Variants in TMC2 observed in about 807,000 individuals in gnomAD.
TMC2 encodes transmembrane channel-like protein 2.
TMC2 carries 102 observed loss-of-function variants against 105.9 expected under a neutral mutation model. The observed-to-expected ratio is 0.96, with a 90% CI of 0.82 to 1.14. The LOEUF is 1.14. TMC2 is among the 50% of genes most tolerant of loss of function. The pLI, the probability that TMC2 is intolerant of heterozygous loss-of-function variation, is 0.00. For synonymous variants in TMC2, 402 were observed against 422.8 expected, an observed-to-expected ratio of 0.95 and a Z score of 0.60; for missense variants, 1,093 against 1,134.3, an observed-to-expected ratio of 0.96 and a Z score of 0.52.
At chr20:2,617,367 G>A (rs1447829938) in intron 16 of TMC2, 56 bp downstream of exon 16, 101 of 1,601,686 alleles carry the variant, frequency 6.3e-5, no homozygotes, top group Non-Finnish European at 7.8e-5. Flanking sequence ...TCTGCTCAGA[G>A]GGCCTCGGCC....
intron 4 of TMC2, among the ~76,000 whole-genome samples, chr20:2,569,688 G>A (rs947578437): frequency 1.3e-5 from 2 of 152,130 alleles, no homozygotes; most frequent in East Asian, 1.9e-4. Flanking sequence ...GTTAATTAGT[G>A]CACAGTTCTG....
chr20:2,623,550 GAC>G (rs2086541149), intron 16 of TMC2, among the ~76,000 whole-genome samples: 2 of 149,472 alleles, frequency 1.3e-5, no homozygotes, highest in Non-Finnish European at 3.0e-5. Flanking sequence ...AAAAAAAAAA[GAC>G]AGAGAGAGAG....
At chr20:2,573,299 T>C (rs2422789) in intron 5 of TMC2, among the ~76,000 whole-genome samples, 16,635 of 152,096 alleles carry the variant, frequency 0.11, 1,056 homozygotes, top group African/African-American at 0.16. Context: ...AATATTTAGT[T>C]TTCACATCTA....
At chr20:2,624,518 A>T in intron 17 of TMC2, 122 bp downstream of exon 17, 2 of 1,190,978 alleles carry the variant, frequency 1.7e-6, no homozygotes, top group Non-Finnish European at 2.3e-6. Flanking sequence ...AGAATCCATG[A>T]CAAGGATTCA....
chr20:2,584,661 T>G (rs1382301693), intron 7 of TMC2, among the ~76,000 whole-genome samples: 1 of 152,186 alleles, frequency 6.6e-6, no homozygotes, highest in Non-Finnish European at 1.5e-5. Context: ...AAAATCACAG[T>G]GTATCTAAAG....
rs747837186 is a variant in TMC2, at chr20:2,572,281, G to T, written c.645+12G>T. 1 of 1,599,470 alleles carries T rather than the reference G, an allele frequency of 6.3e-7. No individual in the cohort carries two copies. The highest frequency in any genetic ancestry group is 1.1e-5 in the South Asian group (1 of 90,614). On this transcript the variant is annotated intron_variant, in intron 5 of 19. Coordinates refer to ENST00000358864, the MANE Select transcript of TMC2 (RefSeq NM_080751.3). ...TGCTGATGGCCAAGGTGTGTGGGGT[G>T]GGGGCAGTGAATCTGTTGGGAGGGC... is the stretch of plus-strand genomic sequence containing the variant.
rs137972390 is a variant in TMC2, at chr20:2,600,534, C to T, written c.1225-1579C>T. Among the ~76,000 whole-genome samples the T allele has an allele frequency of 7.1e-3, 1,086 of 152,014 alleles. 13 individuals are homozygous for T. The highest frequency in any genetic ancestry group is 0.025 in the African/African-American group (1,023 of 41,478). On this transcript the variant is annotated intron_variant, in intron 10 of 19. Coordinates refer to ENST00000358864, the MANE Select transcript of TMC2 (RefSeq NM_080751.3). ...CTCTACTAAAGATACAAAAATTAGC[C>T]GGGTGTGGCTGGGTGTGGTGGCTCA...
chr20:2,609,824 C>T (rs12481723), intron 11 of TMC2, among the ~76,000 whole-genome samples: 26,392 of 151,968 alleles, frequency 0.17, 2,868 homozygotes, highest in East Asian at 0.29. Flanking sequence ...GATTTACTTT[C>T]CACTGGGTGA....
rs369040502 is a variant in TMC2 at position 2,551,132 on chromosome 20, AT to A, written c.83-7317del. ...TAAATGAGCATTCCTGTTGTTCTAC[AT>A]TTTTTTATAGCATTTTGTGTTGCCA... On this transcript the variant is annotated intron_variant, in intron 2 of 19. Coordinates refer to ENST00000358864, the MANE Select transcript of TMC2 (RefSeq NM_080751.3). 8.8e-3 allele frequency among the ~76,000 whole-genome samples: 1,338 copies of A among 152,230 alleles called. 17 individuals carry two copies. Among genetic ancestry groups the A allele is most frequent in the African/African-American group, 0.028 (1,170 of 41,530 alleles).
At chr20:2,560,836 CAAA>C (rs67659988) in intron 3 of TMC2, among the ~76,000 whole-genome samples, 11 of 126,096 alleles carry the variant, frequency 8.7e-5, no homozygotes, top group African/African-American at 8.8e-5. Context: ...GACTCCATCT[CAAA>C]AAAAAAAAAA....
At chr20:2,576,909 T>TG (rs199509643) in intron 5 of TMC2, among the ~76,000 whole-genome samples, 4,564 of 121,574 alleles carry the variant, frequency 0.038, 265 homozygotes, top group African/African-American at 0.14. Flanking sequence ...GGTTTTTTTT[T>TG]TTTGTTTTTT....
intron 7 of TMC2, among the ~76,000 whole-genome samples, chr20:2,588,385 A>G (rs894340572): frequency 6.6e-6 from 1 of 152,172 alleles, no homozygotes; most frequent in African/African-American, 2.4e-5. Context: ...TGACTCTTTG[A>G]TTTCAGTCTG....
At chr20:2,626,865 T>C (rs1210932031) in intron 17 of TMC2, among the ~76,000 whole-genome samples, 2 of 152,204 alleles carry the variant, frequency 1.3e-5, no homozygotes, top group Non-Finnish European at 2.9e-5. Flanking sequence ...AGGATTTGTT[T>C]TAAAGAACGG....
At chr20:2,622,290 A>G (rs1327007176) in intron 16 of TMC2, among the ~76,000 whole-genome samples, 1 of 152,244 alleles carries the variant, frequency 6.6e-6, no homozygotes, top group East Asian at 1.9e-4. Flanking sequence ...CAATTTTTAC[A>G]TGTCACAAAA....
At chr20:2,573,544 T>C (rs941057299) in intron 5 of TMC2, among the ~76,000 whole-genome samples, 1 of 148,896 alleles carries the variant, frequency 6.7e-6, no homozygotes, top group African/African-American at 2.5e-5. Flanking sequence ...TTAATTCTTT[T>C]TTTTTTCTTT....
At chr20:2,537,147 G>A (rs1223267166) in intron 1 of TMC2, 122 bp from the exon 2 acceptor site, 1 of 800,864 alleles carries the variant, frequency 1.2e-6, no homozygotes, top group Non-Finnish European at 2.1e-6. Flanking sequence ...TAAAATCATT[G>A]GAGCTGGGTC....
intron 2 of TMC2, among the ~76,000 whole-genome samples, chr20:2,542,887 G>T (rs1353651862): frequency 6.6e-6 from 1 of 151,214 alleles, no homozygotes; most frequent in Non-Finnish European, 1.5e-5. Flanking sequence ...TTTATACTTA[G>T]TATATTATAT....
At chr20:2,628,868 C>A (rs562009269) in intron 17 of TMC2, among the ~76,000 whole-genome samples, 171 of 152,190 alleles carry the variant, frequency 1.1e-3, no homozygotes, top group African/African-American at 3.7e-3. Context: ...TTTGGGAGGC[C>A]GAGGCGGGCA....
At chr20:2,570,018 T>C (rs775568871) in intron 4 of TMC2, among the ~76,000 whole-genome samples, 1 of 152,190 alleles carries the variant, frequency 6.6e-6, no homozygotes, top group Non-Finnish European at 1.5e-5. Context: ...AAACTCATAG[T>C]GAAATTCATA....
Sources: allele counts gnomAD v4.1 joint callset (sites outside exome capture counted in the v4.1 genomes callset), GRCh38; gene constraint gnomAD v4.1.1; transcripts MANE v1.5; gene names NCBI Gene and HGNC (gene_info 2026-07-23, HGNC 2026-07-21).